Variants in SPRED1 observed in about 807,000 individuals in gnomAD.
SPRED1 encodes the protein sprouty related EVH1 domain containing 1, also known as sprouty-related, EVH1 domain-containing protein 1.
SPRED1 carries 18 observed loss-of-function variants against 52.3 expected under a neutral mutation model. The ratio of observed to expected loss-of-function variants is 0.34; its 90% confidence interval spans 0.24 to 0.51. The LOEUF (loss-of-function observed/expected upper bound fraction) is 0.51. Among genes scored for constraint, SPRED1 ranks in the 20% least tolerant of loss-of-function variants. The probability of loss-of-function intolerance (pLI) is 0.97; values close to 1 mark genes in which losing one functional copy is unlikely to be tolerated. For missense variants in SPRED1, 485 were observed against 551.0 expected (o/e 0.88, Z 1.20); for synonymous variants, 155 against 179.7 (o/e 0.86, Z 1.10).
chr15:38,268,570 T>G (rs1894361121), intron 1 of SPRED1, among the ~76,000 whole-genome samples: 1 of 152,146 alleles, frequency 6.6e-6, no homozygotes, highest in African/African-American at 2.4e-5. Flanking sequence ...GTTGAGACCA[T>G]GTAGGGGGTG....
intron 2 of SPRED1, among the ~76,000 whole-genome samples, chr15:38,302,543 A>G (rs1457529185): frequency 1.3e-5 from 2 of 152,124 alleles, no homozygotes; most frequent in African/African-American, 2.4e-5. Context: ...TTGCTTACCT[A>G]TAAAGCATCT....
intron 4 of SPRED1, among the ~76,000 whole-genome samples, chr15:38,325,536 G>A (rs1895697333): frequency 6.6e-6 from 1 of 152,032 alleles, no homozygotes; most frequent in South Asian, 2.1e-4. Flanking sequence ...ATTGGCACAA[G>A]TTGATGTTGC....
intron 1 of SPRED1, among the ~76,000 whole-genome samples, chr15:38,282,866 G>A (rs10520057): frequency 0.091 from 13,793 of 151,748 alleles, 757 homozygotes; most frequent in East Asian, 0.21. Flanking sequence ...GCTGTCATGC[G>A]TTGTTTTAAA....
intron 1 of SPRED1, among the ~76,000 whole-genome samples, chr15:38,263,260 A>G (rs1019600891): frequency 6.6e-6 from 1 of 152,196 alleles, no homozygotes; most frequent in Non-Finnish European, 1.5e-5. Flanking sequence ...AAATGGGAAA[A>G]TAACCCAGTT....
chr15:38,274,054 A>C (rs763124760), intron 1 of SPRED1, among the ~76,000 whole-genome samples: 3 of 152,250 alleles, frequency 2.0e-5, no homozygotes, highest in Non-Finnish European at 4.4e-5. Flanking sequence ...CATTATTGGT[A>C]ATTATGAGCG....
At chr15:38,284,008 AATAAAG>A (rs1442243966) in intron 1 of SPRED1, among the ~76,000 whole-genome samples, 2 of 152,212 alleles carry the variant, frequency 1.3e-5, no homozygotes, top group East Asian at 1.9e-4. Flanking sequence ...AAAAGAAGAA[AATAAAG>A]ATAATCTCTA....
chr15:38,270,544 G>T (rs896179013), intron 1 of SPRED1, among the ~76,000 whole-genome samples: 2 of 152,146 alleles, frequency 1.3e-5, no homozygotes, highest in African/African-American at 4.8e-5. Context: ...AATCATGGTG[G>T]CAGGCAAAGG....
At chr15:38,297,934 T>TTC (rs1895071927) in intron 1 of SPRED1, among the ~76,000 whole-genome samples, 1 of 152,162 alleles carries the variant, frequency 6.6e-6, no homozygotes, top group Non-Finnish European at 1.5e-5. Flanking sequence ...GACTCTAGAA[T>TTC]TCTCACTCTT....
At chr15:38,285,972 G>A (rs1031835193) in intron 1 of SPRED1, among the ~76,000 whole-genome samples, 1 of 152,114 alleles carries the variant, frequency 6.6e-6, no homozygotes, top group African/African-American at 2.4e-5. Flanking sequence ...AGGCAGGTGT[G>A]GAGGCTCATG....
At chr15:38,260,492 A>G (rs1894183693) in intron 1 of SPRED1, among the ~76,000 whole-genome samples, 1 of 151,798 alleles carries the variant, frequency 6.6e-6, no homozygotes, top group Admixed American at 6.5e-5. Context: ...CATAACACCA[A>G]TAGAAACTAC....
intron 5 of SPRED1, among the ~76,000 whole-genome samples, chr15:38,347,283 C>T (rs1388124689): frequency 1.3e-5 from 2 of 151,974 alleles, no homozygotes; most frequent in African/African-American, 4.8e-5. Context: ...AGCCTTTCCC[C>T]GCACTGATAT....
In SPRED1 at chr15:38,351,095, C is replaced by A. The variant is rs1331443136; in HGVS notation, c.766C>A (p.Arg256Ser). The change falls in exon 7 of 7, where the codon CGT becomes AGT. Residue 256 changes from arginine (R) to serine (S), a missense_variant. Arg to Ser is a moderately radical substitution (Grantham distance 110, BLOSUM62 -1). Around this residue, in one of 5 missense-constraint regions of SPRED1, gnomAD observed 205 missense variants for 245.2 expected, o/e 0.84. Coordinates refer to ENST00000299084, the MANE Select transcript of SPRED1 (RefSeq NM_152594.3). Reference protein sequence around the residue: ...VRINPRDILIRRYADYRHPDM... With the variant: ...VRINPRDILISRYADYRHPDM... The stretch of plus-strand genomic sequence containing the variant: ...AATAAACCCTCGAGATATCTTAATA[C>A]GTCGCTATGCAGACTACAGACATCC... The A allele has an allele frequency of 1.2e-6, 2 of 1,613,920 alleles. No homozygotes were observed. Among genetic ancestry groups the A allele is most frequent in the Middle Eastern group, 1.6e-4 (1 of 6,062 alleles).
chr15:38,303,784 G>T (rs1895196495), intron 2 of SPRED1, among the ~76,000 whole-genome samples: 1 of 152,060 alleles, frequency 6.6e-6, no homozygotes, highest in Non-Finnish European at 1.5e-5. Context: ...TAGAAAGATA[G>T]GAATCTTTTA....
At chr15:38,319,458 C>T (rs992505770) in intron 2 of SPRED1, among the ~76,000 whole-genome samples, 1 of 152,188 alleles carries the variant, frequency 6.6e-6, no homozygotes, top group Non-Finnish European at 1.5e-5. Flanking sequence ...CGGCTCACTG[C>T]AACCTCTGCC....
Position 38,275,985 on chromosome 15 carries a change from A to G in SPRED1, c.32+22768A>G, listed in dbSNP as rs551486976. ...TTCCTTTCTTAACATTTGCTTTTCC[A>G]TTAATTTTGTCATTTGTCTTGCCGG... On this transcript the variant is annotated intron_variant, in intron 1 of 6. Transcript: ENST00000299084. Among the ~76,000 whole-genome samples, 73 of 152,310 alleles carry G rather than the reference A, an allele frequency of 4.8e-4. 1 individual carries two copies. The South Asian group carries it at 6.0e-3, about 13-fold the overall frequency.
rs376248651 is a variant in SPRED1, at chr15:38,254,431, A to G, written c.32+1214A>G. Among the ~76,000 whole-genome samples the G allele has an allele frequency of 3.3e-5, 5 of 152,278 alleles. No homozygotes were observed. In the East Asian group the frequency reaches 7.7e-4, roughly 23 times the overall value. ...AGGTACATTGCTGCAGTGTCAGTGC[A>G]GTGTAGAAGCAGAAGTGGCAGCCAT... On this transcript the variant is annotated intron_variant, in intron 1 of 6. Coordinates refer to ENST00000299084, the MANE Select transcript of SPRED1 (RefSeq NM_152594.3).
At chr15:38,348,886 A>AT (rs1896195778) in intron 5 of SPRED1, among the ~76,000 whole-genome samples, 1 of 152,072 alleles carries the variant, frequency 6.6e-6, no homozygotes, top group Non-Finnish European at 1.5e-5. Flanking sequence ...AAAGATTCCT[A>AT]TTTTTTTATT....
At chr15:38,304,596 C>T (rs1170058850) in intron 2 of SPRED1, among the ~76,000 whole-genome samples, 3 of 152,082 alleles carry the variant, frequency 2.0e-5, no homozygotes, top group Non-Finnish European at 4.4e-5. Context: ...TTTTCATCTA[C>T]TCATCTTAGC....
chr15:38,317,248 T>C (rs1895507302), intron 2 of SPRED1, among the ~76,000 whole-genome samples: 1 of 152,002 alleles, frequency 6.6e-6, no homozygotes, highest in African/African-American at 2.4e-5. Flanking sequence ...TTTTAATAGC[T>C]TCTGGCAATG....
Sources: allele counts gnomAD v4.1 joint callset (sites outside exome capture counted in the v4.1 genomes callset), GRCh38; gene constraint gnomAD v4.1.1; regional missense constraint gnomAD v4.1.1; transcripts MANE v1.5; gene names NCBI Gene and HGNC (gene_info 2026-07-23, HGNC 2026-07-21).